The following MED12L variants were observed in gnomAD, a reference collection of about 807,000 sequenced individuals.
MED12L encodes mediator complex subunit 12L, also known as mediator of RNA polymerase II transcription subunit 12-like protein.
In MED12L, 60 loss-of-function variants were observed where a neutral mutation model predicts 281.3. The ratio of observed to expected loss-of-function variants is 0.21; its 90% CI spans 0.17 to 0.26. MED12L has a LOEUF of 0.26. MED12L is among the 10% of genes least tolerant of loss of function. The pLI, the probability that MED12L is intolerant of heterozygous loss-of-function variation, is 1.00. For synonymous variants in MED12L, 974 were observed against 987.2 expected, an observed-to-expected ratio of 0.99 and a Z score of 0.25; for missense variants, 2,146 against 2,680.9, an observed-to-expected ratio of 0.80 and a Z score of 4.41.
intron 20 of MED12L, among the ~76,000 whole-genome samples, chr3:151,360,133 C>T (rs1466739322): frequency 1.3e-5 from 2 of 152,062 alleles, no homozygotes; most frequent in East Asian, 1.9e-4. Flanking sequence ...TGTGAATCTG[C>T]GGAGGCAGGG....
intron 4 of MED12L, among the ~76,000 whole-genome samples, chr3:151,125,267 T>A (rs1714333053): frequency 6.6e-6 from 1 of 152,234 alleles, no homozygotes; most frequent in Non-Finnish European, 1.5e-5. Flanking sequence ...CGGTCTGCTT[T>A]CTTAATTGAG....
At chr3:151,294,339 A>G (rs779527569) in intron 16 of MED12L, 1 of 1,614,128 alleles carries the variant, frequency 6.2e-7, no homozygotes, top group African/African-American at 1.3e-5. Context: ...TTACACGCAG[A>G]CAAGAAAAGT....
intron 11 of MED12L, among the ~76,000 whole-genome samples, chr3:151,167,516 C>T (rs560338914): frequency 6.6e-6 from 1 of 152,308 alleles, no homozygotes; most frequent in South Asian, 2.1e-4. Flanking sequence ...TTTATGTGAG[C>T]CTGATACATA....
intron 16 of MED12L, chr3:151,199,584 A>G: frequency 2.0e-6 from 1 of 506,480 alleles, no homozygotes; most frequent in Non-Finnish European, 3.5e-6. Flanking sequence ...CCTGGTGAGA[A>G]CATACTAGAT....
At chr3:151,181,831 C>T (rs1272702408) in intron 11 of MED12L, among the ~76,000 whole-genome samples, 1 of 152,032 alleles carries the variant, frequency 6.6e-6, no homozygotes, top group Admixed American at 6.6e-5. Context: ...GGTGATCTGC[C>T]TCCTTTGCCT....
intron 16 of MED12L, chr3:151,198,800 A>C (rs771163260): frequency 6.2e-7 from 1 of 1,613,736 alleles, no homozygotes. Context: ...ATTGGATATT[A>C]AAATGATGGC....
chr3:151,108,515 G>C (rs1185776117), intron 2 of MED12L, among the ~76,000 whole-genome samples: 1 of 152,150 alleles, frequency 6.6e-6, no homozygotes, highest in Non-Finnish European at 1.5e-5. Flanking sequence ...TCTTTTGGGG[G>C]AGAGGTGGAC....
At chr3:151,334,188 C>CTTTTTTTTTTTTTTTTTTTTT (rs1225344552) in intron 16 of MED12L, among the ~76,000 whole-genome samples, 2 of 30,304 alleles carry the variant, frequency 6.6e-5, no homozygotes, top group Non-Finnish European at 1.1e-4. Context: ...TTTTTTCTTT[C>CTTTTTTTTTTTTTTTTTTTTT]TTTCTTTCTT....
chr3:151,230,779 C>T (rs960025314), intron 16 of MED12L, among the ~76,000 whole-genome samples: 1 of 152,136 alleles, frequency 6.6e-6, no homozygotes, highest in Non-Finnish European at 1.5e-5. Context: ...TAAACTTGCT[C>T]AAGCCATTTT....
intron 16 of MED12L, among the ~76,000 whole-genome samples, chr3:151,205,726 G>A (rs927996408): frequency 1.8e-4 from 28 of 152,202 alleles, no homozygotes; most frequent in African/African-American, 6.8e-4. Flanking sequence ...AGCCTGCACA[G>A]TTAGACCCTA....
chr3:151,392,860 T>C (rs1320274321), intron 38 of MED12L, among the ~76,000 whole-genome samples: 1 of 152,170 alleles, frequency 6.6e-6, no homozygotes, highest in Non-Finnish European at 1.5e-5. Context: ...AGGTACAAGA[T>C]CATAGAGTTA....
At chr3:151,390,975 C>T (rs1714147847) in intron 38 of MED12L, among the ~76,000 whole-genome samples, 2 of 152,060 alleles carry the variant, frequency 1.3e-5, no homozygotes, top group Admixed American at 6.6e-5. Flanking sequence ...ATAATCTTGG[C>T]CAAATCTTAA....
chr3:151,253,551 C>T (rs1423611337), intron 16 of MED12L, among the ~76,000 whole-genome samples: 1 of 152,166 alleles, frequency 6.6e-6, no homozygotes, highest in Non-Finnish European at 1.5e-5. Flanking sequence ...TTTCCTCTCT[C>T]TGAATTCCTA....
chr3:151,147,525 G>A (rs1037364524), intron 5 of MED12L, among the ~76,000 whole-genome samples: 1 of 152,122 alleles, frequency 6.6e-6, no homozygotes, highest in Admixed American at 6.5e-5. Flanking sequence ...CTCCCCATTT[G>A]CCTTCAGTAG....
chr3:151,120,070 A>G (rs965989636), intron 3 of MED12L, among the ~76,000 whole-genome samples: 2 of 151,392 alleles, frequency 1.3e-5, no homozygotes, highest in African/African-American at 4.9e-5. Flanking sequence ...AAAAAAAAAA[A>G]AAAAATTAGC....
chr3:151,436,587 G>A lies in MED12L; in HGVS notation c.*3783G>A. 2 of 773,540 alleles carry A rather than the reference G, an allele frequency of 2.6e-6. No individual in the cohort carries two copies. The highest frequency in any genetic ancestry group is 4.2e-6 in the Non-Finnish European group (2 of 473,644). 47.9% of individuals were successfully genotyped at this position (773,540 alleles called of 1,614,324 possible). ...GCATGTTCATTGTAAATTTAATACT[G>A]TAAATGTATTCAAATTCATTTACAT... On this transcript the variant is annotated 3_prime_UTR_variant, in exon 45 of 45. Transcript: ENST00000687756.
At chr3:151,372,001 G>T (rs753213894) in intron 26 of MED12L, among the ~76,000 whole-genome samples, 1 of 152,164 alleles carries the variant, frequency 6.6e-6, no homozygotes. Flanking sequence ...AAAAACAGGG[G>T]TTATTCAATG....
At chr3:151,346,833 A>G (rs1350816283) in intron 16 of MED12L, among the ~76,000 whole-genome samples, 1 of 151,968 alleles carries the variant, frequency 6.6e-6, no homozygotes, top group East Asian at 1.9e-4. Flanking sequence ...CAAACCAATT[A>G]CTGGACATTT....
rs1363392941 is a variant in MED12L, at chr3:151,435,606, A to G, written c.*2802A>G. ...GACCTATGGCATTTTTTTCCCATTT[A>G]TAAAGCTCCTATAATTCTTAAGTAA... is the stretch of plus-strand genomic sequence containing the variant. On this transcript the variant is annotated 3_prime_UTR_variant, in exon 45 of 45. Transcript: ENST00000687756. 1 of 130,078 alleles carries G rather than the reference A, an allele frequency of 7.7e-6. No homozygotes were observed. Among genetic ancestry groups the G allele is most frequent in the Admixed American group, 8.5e-5 (1 of 11,794 alleles). The allele number at this position is 130,078 out of a possible 1,614,324, so 8.1% of individuals were successfully genotyped here.
Sources: allele counts gnomAD v4.1 joint callset (sites outside exome capture counted in the v4.1 genomes callset), GRCh38; gene constraint gnomAD v4.1.1; transcripts MANE v1.5; gene names NCBI Gene and HGNC (gene_info 2026-07-23, HGNC 2026-07-21).